Variants in NEBL observed in about 807,000 individuals in gnomAD.
NEBL encodes the protein nebulette, also known as LIM and SH3 protein 2.
A neutral mutation model predicts 140.2 loss-of-function variants in NEBL; 122 were observed. The observed-to-expected ratio is 0.87, with a 90% CI of 0.75 to 1.01. The LOEUF is 1.01. NEBL is among the 50% of genes least tolerant of loss of function. The probability of loss-of-function intolerance (pLI) is 0.00; values close to 1 mark genes in which losing one functional copy is unlikely to be tolerated. For missense variants in NEBL, 1,365 were observed against 1,231.3 expected (o/e 1.11, Z -1.62); for synonymous variants, 436 against 398.9 (o/e 1.09, Z -1.11).
At chr10:20,886,129 C>T (rs941848817) in intron 4 of NEBL, among the ~76,000 whole-genome samples, 6 of 152,138 alleles carry the variant, frequency 3.9e-5, no homozygotes, top group East Asian at 1.9e-4. Context: ...CCATGGCACA[C>T]GTTTACCTAT....
rs1488545020 is a variant in NEBL at position 21,234,413 on chromosome 10, A to C, written n.348+13508T>G. On this transcript the variant is annotated intron_variant and non_coding_transcript_variant, in intron 3 of 8. Transcript: ENST00000675702. ...TCTCATGCACCCTCTCTCTTCATGT[A>C]ATTCACCTGCCTCTCCCACTTCACC... Among the ~76,000 whole-genome samples the C allele has an allele frequency of 3.0e-4, 45 of 151,992 alleles. 1 individual carries two copies. The highest frequency in any genetic ancestry group is 1.5e-5 in the Non-Finnish European group (1 of 68,014).
intron 1 of NEBL, among the ~76,000 whole-genome samples, chr10:21,265,101 T>C (rs1376463546): frequency 1.3e-5 from 2 of 151,914 alleles, no homozygotes; most frequent in Non-Finnish European, 2.9e-5. Context: ...TTTTGTGTTT[T>C]TAGTAGAGAT....
Position 20,888,183 on chromosome 10 carries a change from C to T in NEBL, c.283G>A (p.Ala95Thr), listed in dbSNP as rs867682994. Reference protein sequence around the residue: ...SEAKYKGTIKADLSNSLYKRM... With the variant: ...SEAKYKGTIKTDLSNSLYKRM... ...TTATAAAGAGAATTAGAAAGGTCAG[C>T]TTTAATGGTGCCTTTGTATTTTGCC... The change falls in exon 4 of 28, where the codon GCT becomes ACT. Residue 95 changes from alanine to threonine, a missense_variant. Around this residue, in one of 2 missense-constraint regions of NEBL, gnomAD observed 1,323 missense variants for 1,154.8 expected, o/e 1.15. Transcript: ENST00000377122. 1 of 1,612,288 alleles carries T rather than the reference C, an allele frequency of 6.2e-7. No individual in the cohort carries two copies. Among genetic ancestry groups the T allele is most frequent in the Non-Finnish European group, 8.5e-7 (1 of 1,179,050 alleles).
chr10:21,254,059 A>G (rs1210123590), intron 1 of NEBL, among the ~76,000 whole-genome samples: 1 of 152,266 alleles, frequency 6.6e-6, no homozygotes, highest in Non-Finnish European at 1.5e-5. Context: ...TGATAAATGT[A>G]ACATTTAAAT....
intron 26 of NEBL, among the ~76,000 whole-genome samples, chr10:20,799,538 C>G (rs58058853): frequency 0.033 from 5,099 of 152,310 alleles, 165 homozygotes; most frequent in East Asian, 0.13. Context: ...GTAAACACAA[C>G]AGCATTTTTG....
intron 2 of NEBL, among the ~76,000 whole-genome samples, chr10:21,053,245 T>A (rs577273211): frequency 9.2e-5 from 14 of 152,280 alleles, no homozygotes; most frequent in African/African-American, 3.1e-4. Context: ...AATGTAAGAT[T>A]TGTAGTTTGG....
intron 16 of NEBL, among the ~76,000 whole-genome samples, chr10:20,829,476 A>G: frequency 6.6e-6 from 1 of 151,708 alleles, no homozygotes; most frequent in Admixed American, 6.6e-5. Context: ...TAGGAGATAT[A>G]CCTAATGCTA....
At chr10:21,039,549 G>A (rs1009114640) in intron 2 of NEBL, among the ~76,000 whole-genome samples, 3 of 151,960 alleles carry the variant, frequency 2.0e-5, no homozygotes, top group African/African-American at 7.3e-5. Flanking sequence ...AATTGATATA[G>A]GACATTTTCT....
chr10:20,786,985 G>A (rs1221459071), intron 27 of NEBL, among the ~76,000 whole-genome samples: 6 of 152,198 alleles, frequency 3.9e-5, no homozygotes, highest in Non-Finnish European at 8.8e-5. Context: ...ATGTTTTATT[G>A]TTTTATGTAA....
intron 6 of NEBL, 109 bp downstream of exon 6, chr10:20,869,631 T>C: frequency 1.3e-6 from 1 of 762,506 alleles, no homozygotes; most frequent in South Asian, 1.4e-5. Flanking sequence ...TATTCATTTA[T>C]ATTGATTAGT....
intron 3 of NEBL, among the ~76,000 whole-genome samples, chr10:20,971,788 T>C (rs1282657448): frequency 6.6e-6 from 1 of 151,992 alleles, no homozygotes; most frequent in Non-Finnish European, 1.5e-5. Context: ...TAATTTTTTG[T>C]ATTTTCAGTA....
chr10:21,089,011 C>T (rs933209699), intron 2 of NEBL, among the ~76,000 whole-genome samples: 1 of 152,032 alleles, frequency 6.6e-6, no homozygotes, highest in Non-Finnish European at 1.5e-5. Flanking sequence ...AATGAGGGTC[C>T]CCTGGCACTC....
chr10:21,045,975 C>T (rs921742558), intron 2 of NEBL, among the ~76,000 whole-genome samples: 3 of 150,536 alleles, frequency 2.0e-5, no homozygotes, highest in East Asian at 2.0e-4. Context: ...TCTAAGTGCC[C>T]GTCGGCAGAT....
chr10:21,029,354 T>C, intron 2 of NEBL: 1 of 1,611,616 alleles, frequency 6.2e-7, no homozygotes, highest in South Asian at 1.1e-5. Flanking sequence ...TTTAGAGGAT[T>C]AATTATCAGT....
chr10:21,258,194 G>A (rs1216818196), intron 1 of NEBL, among the ~76,000 whole-genome samples: 3 of 151,464 alleles, frequency 2.0e-5, no homozygotes, highest in South Asian at 2.1e-4. Context: ...AGGCTGAGGC[G>A]GGAGGATGGC....
At chr10:20,813,905 A>G in intron 23 of NEBL, 34 bp downstream of exon 23, 1 of 1,341,914 alleles carries the variant, frequency 7.5e-7, no homozygotes, top group Non-Finnish European at 1.1e-6. Context: ...CCCATTCCTT[A>G]GCATGTTTTA....
At chr10:21,160,021 G>A (rs1034224867) in intron 2 of NEBL, among the ~76,000 whole-genome samples, 2 of 151,898 alleles carry the variant, frequency 1.3e-5, no homozygotes, top group Admixed American at 6.6e-5. Flanking sequence ...TTAAATCCTC[G>A]GTAACAATTG....
intron 3 of NEBL, among the ~76,000 whole-genome samples, chr10:21,196,245 G>C (rs1841645720): frequency 6.6e-6 from 1 of 151,608 alleles, no homozygotes; most frequent in Admixed American, 6.6e-5. Flanking sequence ...CTCGTGATCT[G>C]CCTGCCTTAG....
At chr10:21,141,553 A>G (rs1193841242) in intron 2 of NEBL, among the ~76,000 whole-genome samples, 1 of 152,230 alleles carries the variant, frequency 6.6e-6, no homozygotes, top group Non-Finnish European at 1.5e-5. Context: ...ACAATGAAAA[A>G]CTAATATTTA....
Sources: gnomAD v4.1 joint callset for allele counts (sites outside exome capture counted in the v4.1 genomes callset) on GRCh38, gnomAD v4.1.1 for gene constraint, gnomAD v4.1.1 regional missense constraint, MANE v1.5 for transcripts, NCBI Gene and HGNC (gene_info 2026-07-23, HGNC 2026-07-21) for gene names.